NLGN1: variants seen among roughly 807,000 people sequenced by gnomAD.
NLGN1 encodes neuroligin-1.
A neutral mutation model predicts 65.5 loss-of-function variants in NLGN1; 12 were observed. That is an observed-to-expected ratio of 0.18 (90% CI 0.12 to 0.30). NLGN1 has a LOEUF of 0.30. NLGN1 is among the 10% of genes least tolerant of loss of function. The pLI, the probability that NLGN1 is intolerant of heterozygous loss-of-function variation, is 1.00. For missense variants in NLGN1, 750 were observed against 1,007.1 expected, an observed-to-expected ratio of 0.74 and a Z score of 3.46; for synonymous variants, 350 against 359.5, an observed-to-expected ratio of 0.97 and a Z score of 0.30.
chr3:173,909,334 G>A (rs1200143433), intron 4 of NLGN1, among the ~76,000 whole-genome samples: 1 of 152,082 alleles, frequency 6.6e-6, no homozygotes, highest in African/African-American at 2.4e-5. Flanking sequence ...TTTCCCCGGG[G>A]ACCTACACTG....
intron 4 of NLGN1, among the ~76,000 whole-genome samples, chr3:174,256,314 T>G (rs1351378561): frequency 6.6e-6 from 1 of 152,212 alleles, no homozygotes; most frequent in African/African-American, 2.4e-5. Context: ...CTTAATCATC[T>G]TCTCTACATC....
intron 3 of NLGN1, among the ~76,000 whole-genome samples, chr3:173,733,080 T>C (rs565409431): frequency 3.7e-4 from 57 of 152,198 alleles, no homozygotes; most frequent in Admixed American, 5.2e-4. Flanking sequence ...GATGGAAATA[T>C]AAAGCTGGTT....
chr3:173,683,551 T>G (rs1188092048), intron 3 of NLGN1, among the ~76,000 whole-genome samples: 3 of 152,112 alleles, frequency 2.0e-5, no homozygotes, highest in Non-Finnish European at 2.9e-5. Context: ...CAAAATATGG[T>G]TTTTTTACCC....
intron 3 of NLGN1, among the ~76,000 whole-genome samples, chr3:173,626,968 C>T (rs762330723): frequency 1.2e-4 from 19 of 152,012 alleles, no homozygotes; most frequent in Non-Finnish European, 1.9e-4. Context: ...AAGGAAGTGA[C>T]TTTCAAGTCA....
intron 4 of NLGN1, among the ~76,000 whole-genome samples, chr3:174,264,089 CG>C (rs1561422175): frequency 6.9e-6 from 1 of 145,600 alleles, no homozygotes; most frequent in African/African-American, 2.6e-5. Context: ...GAGGGTAACC[CG>C]ACCTTTCTCT....
chr3:174,211,051 G>A (rs746712786), intron 4 of NLGN1, among the ~76,000 whole-genome samples: 73 of 152,144 alleles, frequency 4.8e-4, no homozygotes, highest in Non-Finnish European at 9.1e-4. Context: ...GATGTGTTCG[G>A]AGTTTCTTCC....
At chr3:173,641,352 C>T (rs1017434041) in intron 3 of NLGN1, among the ~76,000 whole-genome samples, 11 of 152,252 alleles carry the variant, frequency 7.2e-5, no homozygotes, top group Admixed American at 2.0e-4. Flanking sequence ...CTCCTTCTGT[C>T]GCCCAGGCTG....
chr3:173,923,126 A>G (rs185622645), intron 4 of NLGN1, among the ~76,000 whole-genome samples: 4 of 152,214 alleles, frequency 2.6e-5, no homozygotes, highest in Admixed American at 2.0e-4. Context: ...ACTTTATTTG[A>G]CTATATTTCA....
chr3:174,012,146 T>G (rs1213044549), intron 4 of NLGN1, among the ~76,000 whole-genome samples: 6 of 152,138 alleles, frequency 3.9e-5, no homozygotes, highest in Non-Finnish European at 7.4e-5. Context: ...CTGCTAAACT[T>G]GTGCAACTGC....
intron 2 of NLGN1, among the ~76,000 whole-genome samples, chr3:173,454,057 G>A (rs73036243): frequency 0.18 from 27,910 of 152,172 alleles, 2,836 homozygotes; most frequent in African/African-American, 0.27. Context: ...CATGAAAACA[G>A]CATTAATCTC....
intron 4 of NLGN1, among the ~76,000 whole-genome samples, chr3:173,916,341 C>T (rs1740724080): frequency 6.6e-6 from 1 of 152,068 alleles, no homozygotes; most frequent in Non-Finnish European, 1.5e-5. Context: ...TGGCATACTA[C>T]AAATATTTTG....
At chr3:173,706,383 A>G (rs1022812301) in intron 3 of NLGN1, among the ~76,000 whole-genome samples, 32 of 152,236 alleles carry the variant, frequency 2.1e-4, no homozygotes, top group Admixed American at 5.9e-4. Context: ...TTATTTTAGT[A>G]TAAACACTAT....
At chr3:173,660,120 C>G (rs1234142656) in intron 3 of NLGN1, among the ~76,000 whole-genome samples, 2 of 151,660 alleles carry the variant, frequency 1.3e-5, no homozygotes, top group African/African-American at 4.8e-5. Flanking sequence ...TTCGTAGAGA[C>G]AGCGGAGGCA....
At chr3:173,835,711 A>G (rs1723511775) in intron 4 of NLGN1, among the ~76,000 whole-genome samples, 1 of 152,106 alleles carries the variant, frequency 6.6e-6, no homozygotes. Flanking sequence ...ATTGAATTAA[A>G]GTTATGAATT....
intron 2 of NLGN1, among the ~76,000 whole-genome samples, chr3:173,601,129 G>A (rs1050021593): frequency 2.6e-5 from 4 of 152,108 alleles, no homozygotes; most frequent in South Asian, 2.1e-4. Context: ...GAAGTCAGAC[G>A]AAGCTCGTCC....
At chr3:173,792,881 T>G (rs1490259660) in intron 3 of NLGN1, among the ~76,000 whole-genome samples, 1 of 152,176 alleles carries the variant, frequency 6.6e-6, no homozygotes, top group Non-Finnish European at 1.5e-5. Flanking sequence ...ATCTTATTTT[T>G]GCTCATGAAT....
intron 4 of NLGN1, among the ~76,000 whole-genome samples, chr3:174,243,933 G>C (rs941381255): frequency 3.3e-5 from 5 of 152,082 alleles, no homozygotes; most frequent in African/African-American, 1.2e-4. Flanking sequence ...ACTCTCATTT[G>C]GACTCAGATA....
rs979174634 is a variant in NLGN1, at chr3:173,822,882, C to T, written c.646+15050C>T. Among the ~76,000 whole-genome samples the T allele has an allele frequency of 6.5e-4, 98 of 151,754 alleles. 5 individuals carry two copies. Among genetic ancestry groups the T allele is most frequent in the Non-Finnish European group, 1.5e-5 (1 of 67,860 alleles). ...AAAAGATCTACTTGCTATATTGTCC[C>T]TTTTTTTCTTTTTTTGTACAATGCT... On this transcript the variant is annotated intron_variant, in intron 4 of 6. Transcript: ENST00000457714.
At chr3:173,578,402 G>A (rs188972368) in intron 2 of NLGN1, among the ~76,000 whole-genome samples, 1 of 152,154 alleles carries the variant, frequency 6.6e-6, no homozygotes, top group Admixed American at 6.5e-5. Context: ...TATGTAATTA[G>A]CATAAAATCC....
Sources: allele counts gnomAD v4.1 joint callset (sites outside exome capture counted in the v4.1 genomes callset), GRCh38; gene constraint gnomAD v4.1.1; transcripts MANE v1.5; gene names NCBI Gene and HGNC (gene_info 2026-07-23, HGNC 2026-07-21).